The following KIF7 variants were observed in gnomAD, a reference collection of about 807,000 sequenced individuals.
KIF7 encodes the protein kinesin family member 7.
In KIF7, 104 loss-of-function variants were observed where a neutral mutation model predicts 135.7. The ratio of observed to expected loss-of-function variants is 0.77; its 90% CI spans 0.65 to 0.90. The LOEUF (loss-of-function observed/expected upper bound fraction) is 0.90. Among genes scored for constraint, KIF7 ranks in the 40% least tolerant of loss-of-function variants. KIF7 has a pLI of 0.00. For synonymous variants in KIF7, 883 were observed against 809.4 expected, an observed-to-expected ratio of 1.09 and a Z score of -1.54; for missense variants, 2,005 against 1,839.1, an observed-to-expected ratio of 1.09 and a Z score of -1.65.
At chr15:89,639,894 A>G (rs1963885432) in intron 11 of KIF7, among the ~76,000 whole-genome samples, 1 of 152,302 alleles carries the variant, frequency 6.6e-6, no homozygotes, top group East Asian at 1.9e-4. Context: ...AACCAACCCA[A>G]ATGTCCAACA....
chr15:89,652,706 A>C lies in KIF7; in HGVS notation c.225T>G (p.Val75=), dbSNP rs2142036351. 1 of 1,551,820 alleles carries C rather than the reference A, an allele frequency of 6.4e-7. No homozygotes were observed. Among genetic ancestry groups the C allele is most frequent in the Non-Finnish European group, 8.7e-7 (1 of 1,146,996 alleles). ...AGQEAVYQAC[V]QPLLEAFFEG... is the part of the protein sequence containing the mutation. ...CGAAGAAGGCCTCAAGGAGGGGCTG[A>C]ACGCAGGCCTGGTACACGGCCTCCT... is the stretch of plus-strand genomic sequence containing the variant. The change falls in exon 2 of 19, where the codon GTT becomes GTG. Residue 75 remains valine (V), a synonymous_variant. Transcript: ENST00000394412.
At chr15:89,649,598 A>C (rs1964090401) in intron 3 of KIF7, 143 bp downstream of exon 3, 3 of 1,001,780 alleles carry the variant, frequency 3.0e-6, no homozygotes, top group Non-Finnish European at 4.4e-6. Flanking sequence ...AACTCAGTGG[A>C]GGCAAGAAGC....
chr15:89,626,940 T>C (rs902169157), downstream of KIF7: 2 of 1,612,902 alleles, frequency 1.2e-6, no homozygotes, highest in Non-Finnish European at 1.7e-6. Context: ...TGCTAAGCCT[T>C]TCTACCTTCT....
Position 89,641,974 on chromosome 15 carries a change from C to T in KIF7, c.2394+229G>A, listed in dbSNP as rs181753152. On this transcript the variant is annotated intron_variant, in intron 11 of 18. Transcript: ENST00000394412. The stretch of plus-strand genomic sequence containing the variant: ...TTTAGACGCCCACCCTTCACCCTCT[C>T]GTTGCTCTCCCAGGTGGTCTTCAGG... 5.3e-3 allele frequency among the ~76,000 whole-genome samples: 807 copies of T among 152,220 alleles called. No homozygotes were observed. Among genetic ancestry groups the T allele is most frequent in the Non-Finnish European group, 7.9e-3 (536 of 67,994 alleles).
At chr15:89,652,995 C>G in intron 1 of KIF7, 41 bp from the exon 2 acceptor site, 1 of 1,401,180 alleles carries the variant, frequency 7.1e-7, no homozygotes, top group Non-Finnish European at 9.4e-7. Context: ...AGCACTTGTA[C>G]TCCAGGAGCT....
At chr15:89,629,739 C>CTA (rs1481993904) in intron 16 of KIF7, 166 bp from the exon 17 acceptor site, 2 of 812,360 alleles carry the variant, frequency 2.5e-6, no homozygotes, top group Admixed American at 2.6e-5. Context: ...CAGCAGTGCT[C>CTA]TAGTTATCTT....
downstream of KIF7, chr15:89,623,750 C>G (rs200868616): frequency 2.1e-5 from 34 of 1,613,910 alleles, 1 homozygote; most frequent in African/African-American, 2.9e-4. Flanking sequence ...AAAATGACCC[C>G]TACAAAGCAG....
intron 1 of KIF7, chr15:89,619,636 G>A: frequency 6.5e-7 from 1 of 1,537,478 alleles, no homozygotes; most frequent in Non-Finnish European, 8.7e-7. Context: ...ATTTTGCCCG[G>A]TTTTGGACAA....
intron 1 of KIF7, chr15:89,619,982 T>A: frequency 9.9e-7 from 1 of 1,015,168 alleles, no homozygotes; most frequent in East Asian, 2.6e-5. Context: ...AGGTTCAGGG[T>A]GATGGCTAGA....
At chr15:89,645,750 G>C (rs1205029620) in intron 8 of KIF7, 143 bp downstream of exon 8, 3 of 1,174,790 alleles carry the variant, frequency 2.6e-6, no homozygotes, top group Middle Eastern at 2.7e-4. Context: ...TCCCCCAGGG[G>C]CTGGCCAGGG....
chr15:89,637,865 C>A (rs1963841964), intron 11 of KIF7, among the ~76,000 whole-genome samples: 2 of 127,108 alleles, frequency 1.6e-5, no homozygotes, highest in African/African-American at 5.7e-5. Flanking sequence ...GAGACACAAC[C>A]AAAAAAGAGA....
chr15:89,642,435 C>T, intron 10 of KIF7, 30 bp from the exon 11 acceptor site: 1 of 1,527,526 alleles, frequency 6.5e-7, no homozygotes, highest in Non-Finnish European at 8.8e-7. Flanking sequence ...TCAGCACAGG[C>T]AGCCCTGCTC....
intron 4 of KIF7, 58 bp from the exon 5 acceptor site, chr15:89,648,832 G>A: frequency 1.3e-6 from 2 of 1,488,054 alleles, no homozygotes; most frequent in Non-Finnish European, 8.9e-7. Flanking sequence ...CAGGGCCAGC[G>A]GGCCAGACCT....
intron 1 of KIF7, among the ~76,000 whole-genome samples, chr15:89,622,406 G>C (rs1223887589): frequency 1.3e-5 from 2 of 152,200 alleles, no homozygotes; most frequent in East Asian, 3.9e-4. Flanking sequence ...TCCACCCAGA[G>C]GTCAGAGTGA....
At chr15:89,654,216 A>G (rs1964171130) in intron 1 of KIF7, among the ~76,000 whole-genome samples, 1 of 151,848 alleles carries the variant, frequency 6.6e-6, no homozygotes, top group Non-Finnish European at 1.5e-5. Context: ...TCACCGTGTT[A>G]GCCAGGATGG....
In KIF7 at chr15:89,629,083, T is replaced by A. The variant is rs762939772; in HGVS notation, c.3557A>T (p.Tyr1186Phe). 3 of 1,612,922 alleles carry A rather than the reference T, an allele frequency of 1.9e-6. No homozygotes were observed. Among genetic ancestry groups the A allele is most frequent in the Non-Finnish European group, 2.5e-6 (3 of 1,179,844 alleles). The change falls in exon 18 of 19, where the codon TAT becomes TTT. Residue 1186 changes from tyrosine (Y) to phenylalanine (F), a missense_variant. By Grantham distance (22) the Tyr-to-Phe change is conservative (BLOSUM62 3). Coordinates refer to ENST00000394412, the MANE Select transcript of KIF7 (RefSeq NM_198525.3). ...CTCCAGAGCTTGAATCCGGGCCTCA[T>A]ACTGCCTCCTGCTGTCTGCTAACCC... ...GEGLADSRRQYEARIQALEKE... is the reference protein window; with the variant it reads ...GEGLADSRRQFEARIQALEKE...
In KIF7 at chr15:89,646,914, CA is replaced by C. The variant is rs769254548; in HGVS notation, c.1703del (p.Leu568ArgfsTer31). The C allele has an allele frequency of 2.5e-6, 4 of 1,614,082 alleles. No individual in the cohort carries two copies. Among genetic ancestry groups the C allele is most frequent in the South Asian group, 2.2e-5 (2 of 91,078 alleles). On this transcript the variant is annotated frameshift_variant, in exon 7 of 19. Coordinates refer to ENST00000394412, the MANE Select transcript of KIF7 (RefSeq NM_198525.3). LOFTEE classifies it high-confidence loss of function. ...SFVPRPHTAP[L>X]GGAHAHVLGM... ...CCAGCACATGGGCGTGGGCACCCCC[CA>C]GGGGGGCTGTATGAGGTCGAGGCAC... is the stretch of plus-strand genomic sequence containing the variant.
chr15:89,628,402 G>A lies in KIF7; in HGVS notation c.*17C>T, dbSNP rs373367249. The stretch of plus-strand genomic sequence containing the variant: ...AGGCTCGGAGTCTCCCTCCAAGGCA[G>A]GGTCTGCCCCGAGGGCTTACAGGGG... On this transcript the variant is annotated 3_prime_UTR_variant, in exon 19 of 19. Coordinates refer to ENST00000394412, the MANE Select transcript of KIF7 (RefSeq NM_198525.3). The A allele has an allele frequency of 3.3e-5, 52 of 1,591,220 alleles. No individual in the cohort carries two copies. In the African/African-American group the frequency reaches 6.1e-4, roughly 19 times the overall value.
chr15:89,633,399 C>T, intron 12 of KIF7, 133 bp from the exon 13 acceptor site: 1 of 1,219,746 alleles, frequency 8.2e-7, no homozygotes, highest in Non-Finnish European at 1.2e-6. Flanking sequence ...CCAGACCCAT[C>T]CCACACAAAT....
Sources: gnomAD v4.1 joint callset for allele counts (sites outside exome capture counted in the v4.1 genomes callset) on GRCh38, gnomAD v4.1.1 for gene constraint, MANE v1.5 for transcripts, NCBI Gene and HGNC (gene_info 2026-07-23, HGNC 2026-07-21) for gene names.